PPP2R3A: variants seen among roughly 807,000 people sequenced by gnomAD.
PPP2R3A encodes the protein serine/threonine-protein phosphatase 2A regulatory subunit B'' subunit alpha.
In PPP2R3A, 80 loss-of-function variants were observed where a neutral mutation model predicts 106.9. The observed-to-expected ratio is 0.75, with a 90% CI of 0.62 to 0.90. The LOEUF (loss-of-function observed/expected upper bound fraction) is 0.90. PPP2R3A is among the 40% of genes least tolerant of loss of function. The pLI is 0.00. For missense variants in PPP2R3A, 1,386 were observed against 1,350.4 expected, an observed-to-expected ratio of 1.03 and a Z score of -0.41; for synonymous variants, 483 against 468.3, an observed-to-expected ratio of 1.03 and a Z score of -0.41.
At position 136,033,876 on chromosome 3, in the gene PPP2R3A, A is replaced by G. The variant is rs909209509; in HGVS notation, c.2262+6778A>G. Among the ~76,000 whole-genome samples, 8 of 148,708 alleles carry G rather than the reference A, an allele frequency of 5.4e-5. No homozygotes were observed. The East Asian group carries it at 1.2e-3, about 22-fold the overall frequency. On this transcript the variant is annotated intron_variant, in intron 3 of 13. Transcript: ENST00000264977. ...ATTTTTTGTATTTTTTTTCTTTTGT[A>G]TTATTTTTTTCAATTTCATTTAGTT...
Position 136,147,825 on chromosome 3 carries a change from G to C in PPP2R3A, c.*2659G>C, listed in dbSNP as rs904145475. ...GCTCAGCTTTTTGAAATGTTAAGAT[G>C]TGTTTGGAGAAGGCTGCATGACTTT... On this transcript the variant is annotated 3_prime_UTR_variant, in exon 14 of 14. Transcript: ENST00000264977. 6.6e-6 allele frequency: 1 copy of C among 152,200 alleles called. No homozygotes were observed. Among genetic ancestry groups the C allele is most frequent in the African/African-American group, 2.4e-5 (1 of 41,434 alleles). 9.4% of individuals were successfully genotyped at this position (152,200 alleles called of 1,614,324 possible).
intron 2 of PPP2R3A, among the ~76,000 whole-genome samples, chr3:136,011,271 T>C (rs996737106): frequency 3.3e-5 from 5 of 152,150 alleles, no homozygotes. Flanking sequence ...TTTCAATTAC[T>C]GTTTCTTTTT....
rs548847004 is a variant in PPP2R3A, at chr3:136,055,095, A to G, written c.2469+5734A>G. ...TTTTAAAGTATATTTCCTTAACTTC[A>G]AGAATTTTGACTTTGCTTGCTACAA... On this transcript the variant is annotated intron_variant, in intron 5 of 13. Transcript: ENST00000264977. The G allele has an allele frequency of 8.7e-5, 42 of 480,338 alleles. No individual in the cohort carries two copies. The Middle Eastern group carries it at 1.8e-3, about 20-fold the overall frequency. 29.8% of individuals were successfully genotyped at this position (480,338 alleles called of 1,614,324 possible).
At chr3:136,108,212 G>GAC (rs375655120) in intron 13 of PPP2R3A, among the ~76,000 whole-genome samples, 36 of 151,488 alleles carry the variant, frequency 2.4e-4, no homozygotes, top group African/African-American at 4.4e-4. Context: ...GCTAGACCCT[G>GAC]ACACACACAC....
At chr3:136,142,837 C>G (rs1438181974) in intron 13 of PPP2R3A, among the ~76,000 whole-genome samples, 2 of 152,090 alleles carry the variant, frequency 1.3e-5, no homozygotes, top group Non-Finnish European at 1.5e-5. Context: ...GTATTTAACA[C>G]TGATAGCTTA....
rs766463346 is a variant in PPP2R3A, at chr3:136,106,208, C to G, written c.3223-8C>G. ...TTTATTTCTCGTGGCTGTCTTCTTTCCAATCAGGATGTTGAGAACGATGGG... is the reference window on the plus strand; with the variant it reads ...TTTATTTCTCGTGGCTGTCTTCTTTGCAATCAGGATGTTGAGAACGATGGG... On this transcript the variant is annotated splice_polypyrimidine_tract_variant and splice_region_variant and intron_variant, in intron 12 of 13. Transcript: ENST00000264977. 2.5e-6 allele frequency: 4 copies of G among 1,602,098 alleles called. No homozygotes were observed. The highest frequency in any genetic ancestry group is 2.6e-6 in the Non-Finnish European group (3 of 1,176,246).
intron 1 of PPP2R3A, among the ~76,000 whole-genome samples, chr3:135,994,714 G>A (rs2107778230): frequency 6.6e-6 from 1 of 152,242 alleles, no homozygotes; most frequent in African/African-American, 2.4e-5. Context: ...CTTTAAAACT[G>A]TGAAACCCAT....
chr3:136,048,891 G>A (rs1289246481), intron 4 of PPP2R3A, among the ~76,000 whole-genome samples: 1 of 152,108 alleles, frequency 6.6e-6, no homozygotes, highest in African/African-American at 2.4e-5. Flanking sequence ...AGTTCATGAC[G>A]ACTCCCAAGT....
chr3:135,984,154 A>G (rs557863326), intron 1 of PPP2R3A, among the ~76,000 whole-genome samples: 2 of 150,972 alleles, frequency 1.3e-5, no homozygotes, highest in South Asian at 2.1e-4. Context: ...TCCTTCTTTT[A>G]TTTCCTAATT....
chr3:136,003,611 C>A, intron 2 of PPP2R3A, 118 bp downstream of exon 2: 1 of 828,310 alleles, frequency 1.2e-6, no homozygotes, highest in Non-Finnish European at 1.8e-6. Flanking sequence ...CTCTGCCCTA[C>A]ACTAGGAATG....
intron 13 of PPP2R3A, among the ~76,000 whole-genome samples, chr3:136,129,810 T>C (rs1019518024): frequency 2.6e-5 from 4 of 152,118 alleles, no homozygotes; most frequent in Admixed American, 1.3e-4. Flanking sequence ...AAAAAGCTTA[T>C]CCACTATGAT....
At position 136,002,373 on chromosome 3, in the gene PPP2R3A, T is replaced by TA; in HGVS notation, c.876dup (p.Pro293ThrfsTer3). 6.2e-7 allele frequency: 1 copy of TA among 1,613,934 alleles called. No homozygotes were observed. The highest frequency in any genetic ancestry group is 8.5e-7 in the Non-Finnish European group (1 of 1,179,948). Reference sequence around the variant, plus strand: ...AGGTTAGCATCCTATCTGAAAAAGTTACCATTTGAATTCATGCAGTCTGGG... The same window carrying TA: ...AGGTTAGCATCCTATCTGAAAAAGTTAACCATTTGAATTCATGCAGTCTGGG... On this transcript the variant is annotated frameshift_variant, in exon 2 of 14. Coordinates refer to ENST00000264977, the MANE Select transcript of PPP2R3A (RefSeq NM_002718.5). LOFTEE classifies it high-confidence loss of function.
chr3:136,018,309 A>G (rs921067698), intron 2 of PPP2R3A, among the ~76,000 whole-genome samples: 4 of 152,242 alleles, frequency 2.6e-5, no homozygotes, highest in African/African-American at 7.2e-5. Context: ...AACACATTGC[A>G]TATATAATAC....
At position 136,001,458 on chromosome 3, in the gene PPP2R3A, C is replaced by T. The variant is rs1933616536; in HGVS notation, c.-41C>T. 1.3e-6 allele frequency: 2 copies of T among 1,523,388 alleles called. No individual in the cohort carries two copies. Among genetic ancestry groups the T allele is most frequent in the Non-Finnish European group, 1.8e-6 (2 of 1,115,108 alleles). The allele number at this position is 1,523,388 out of a possible 1,614,324, so 94.4% of individuals were successfully genotyped here. A position where few individuals can be genotyped will look rare whatever the true frequency, so the allele number is the denominator to read the frequency against. ...TAGGAGAATTTTCATGAAACAAGTT[C>T]TAGAAAGTTCCAAGTCCCACCAGTA... is the stretch of plus-strand genomic sequence containing the variant. On this transcript the variant is annotated 5_prime_UTR_variant, in exon 2 of 14. Coordinates refer to ENST00000264977, the MANE Select transcript of PPP2R3A (RefSeq NM_002718.5).
chr3:136,094,058 A>G (rs531695252), intron 10 of PPP2R3A, among the ~76,000 whole-genome samples: 3 of 152,370 alleles, frequency 2.0e-5, no homozygotes, highest in Admixed American at 6.5e-5. Context: ...ATACTGATAC[A>G]TACTACACAC....
intron 1 of PPP2R3A, among the ~76,000 whole-genome samples, chr3:135,986,259 C>T (rs149887167): frequency 2.1e-4 from 32 of 152,138 alleles, no homozygotes; most frequent in African/African-American, 4.1e-4. Flanking sequence ...CAGGGCTCAG[C>T]GGAAGGGTTA....
At chr3:136,080,714 A>G (rs1396998340) in intron 7 of PPP2R3A, among the ~76,000 whole-genome samples, 1 of 152,162 alleles carries the variant, frequency 6.6e-6, no homozygotes, top group Non-Finnish European at 1.5e-5. Context: ...ATATGTATAT[A>G]TGCATTTTTA....
intron 13 of PPP2R3A, among the ~76,000 whole-genome samples, chr3:136,127,816 T>A (rs372086170): frequency 5.3e-5 from 8 of 152,238 alleles, no homozygotes; most frequent in African/African-American, 1.9e-4. Context: ...GCAGATCTCT[T>A]GGCAGAAACA....
intron 13 of PPP2R3A, chr3:136,106,602 C>T: frequency 8.0e-6 from 3 of 375,846 alleles, no homozygotes; most frequent in Non-Finnish European, 1.5e-5. Flanking sequence ...TTGATAAACC[C>T]TGTACATAAA....
Sources: gnomAD v4.1 joint callset for allele counts (sites outside exome capture counted in the v4.1 genomes callset) on GRCh38, gnomAD v4.1.1 for gene constraint, MANE v1.5 for transcripts, NCBI Gene and HGNC (gene_info 2026-07-23, HGNC 2026-07-21) for gene names.